ADK: variants seen among roughly 807,000 people sequenced by gnomAD.
The protein encoded by ADK is adenosine kinase.
ADK carries 24 observed loss-of-function variants against 44.7 expected under a neutral mutation model. That is an observed-to-expected ratio of 0.54 (90% confidence interval 0.39 to 0.76). The LOEUF (loss-of-function observed/expected upper bound fraction) is 0.76. Among genes scored for constraint, ADK ranks in the 30% least tolerant of loss-of-function variants. The pLI, the probability that ADK is intolerant of heterozygous loss-of-function variation, is 0.00. For missense variants in ADK, 321 were observed against 425.1 expected (o/e 0.76, Z 2.15); for synonymous variants, 128 against 142.6 (o/e 0.90, Z 0.73).
intron 9 of ADK, among the ~76,000 whole-genome samples, chr10:74,652,490 G>T (rs1276488683): frequency 6.6e-6 from 1 of 151,934 alleles, no homozygotes; most frequent in Non-Finnish European, 1.5e-5. Flanking sequence ...GCCAGGTGTG[G>T]TGGCTCATAC....
At chr10:74,414,110 G>C (rs1213199818) in intron 6 of ADK, among the ~76,000 whole-genome samples, 1 of 152,072 alleles carries the variant, frequency 6.6e-6, no homozygotes, top group Non-Finnish European at 1.5e-5. Context: ...TTGAAATATT[G>C]AAAGAATTAC....
chr10:74,594,972 TC>T (rs1216507637), intron 8 of ADK, among the ~76,000 whole-genome samples: 3 of 152,088 alleles, frequency 2.0e-5, no homozygotes, highest in African/African-American at 4.8e-5. Flanking sequence ...CATCAGGAGT[TC>T]GAGACCAGCC....
intron 3 of ADK, among the ~76,000 whole-genome samples, chr10:74,302,117 T>TG (rs1840071172): frequency 4.7e-5 from 2 of 42,740 alleles, no homozygotes; most frequent in East Asian, 1.1e-3. Flanking sequence ...TTGTTTTTTT[T>TG]TTTTTTTTTT....
chr10:74,376,139 C>CTAAAGCAAT (rs1265423025), intron 4 of ADK, among the ~76,000 whole-genome samples: 1 of 151,868 alleles, frequency 6.6e-6, no homozygotes, highest in Non-Finnish European at 1.5e-5. Context: ...CAAATTGTTT[C>CTAAAGCAAT]TAAAGCAATT....
chr10:74,447,495 G>A (rs1195853239), intron 6 of ADK, among the ~76,000 whole-genome samples: 2 of 152,160 alleles, frequency 1.3e-5, no homozygotes, highest in Non-Finnish European at 2.9e-5. Context: ...GGAGGGCAGA[G>A]AGCTCCTCCT....
intron 7 of ADK, among the ~76,000 whole-genome samples, chr10:74,572,031 T>G (rs1048819940): frequency 5.9e-4 from 90 of 152,324 alleles, no homozygotes; most frequent in African/African-American, 2.1e-3. Context: ...TATGTGTGAA[T>G]TTGATCCTGT....
intron 6 of ADK, among the ~76,000 whole-genome samples, chr10:74,481,570 T>A (rs1167363847): frequency 6.6e-6 from 1 of 152,204 alleles, no homozygotes; most frequent in African/African-American, 2.4e-5. Context: ...CTCTATACTT[T>A]AGTGTCTCTG....
chr10:74,476,385 G>C (rs910819816), intron 6 of ADK, among the ~76,000 whole-genome samples: 1 of 151,858 alleles, frequency 6.6e-6, no homozygotes, highest in Admixed American at 6.6e-5. Context: ...CCAGCTACTC[G>C]GGAGGCTGAG....
intron 4 of ADK, among the ~76,000 whole-genome samples, chr10:74,337,333 C>T (rs1841441879): frequency 6.6e-6 from 1 of 152,138 alleles, no homozygotes; most frequent in South Asian, 2.1e-4. Flanking sequence ...AGTATATTTC[C>T]TGTTACTGGT....
intron 6 of ADK, among the ~76,000 whole-genome samples, chr10:74,463,279 T>G (rs969844672): frequency 1.8e-4 from 28 of 152,230 alleles, no homozygotes; most frequent in African/African-American, 6.5e-4. Flanking sequence ...TCTGTTATTA[T>G]TACAGTATAA....
At chr10:74,331,312 C>T (rs906496657) in intron 4 of ADK, among the ~76,000 whole-genome samples, 3 of 151,384 alleles carry the variant, frequency 2.0e-5, no homozygotes, top group South Asian at 2.1e-4. Flanking sequence ...CTCACAAACA[C>T]GATATTCTTA....
chr10:74,613,039 T>C (rs991933249), intron 9 of ADK, among the ~76,000 whole-genome samples: 1 of 152,086 alleles, frequency 6.6e-6, no homozygotes, highest in African/African-American at 2.4e-5. Context: ...ACCCTAGTAG[T>C]ATAGTTTGAA....
At chr10:74,508,224 A>T (rs1314155820) in intron 6 of ADK, 1 of 152,158 alleles carries the variant, frequency 6.6e-6, no homozygotes, top group Admixed American at 6.5e-5. Flanking sequence ...TAAATCAAGG[A>T]GAGAAAGGAG....
intron 10 of ADK, among the ~76,000 whole-genome samples, chr10:74,683,015 G>C (rs1855667778): frequency 6.6e-6 from 1 of 152,134 alleles, no homozygotes; most frequent in South Asian, 2.1e-4. Flanking sequence ...GTTGTTATTT[G>C]AGTTCATGAC....
At chr10:74,544,349 T>G (rs1020910737) in intron 7 of ADK, among the ~76,000 whole-genome samples, 11 of 152,316 alleles carry the variant, frequency 7.2e-5, no homozygotes, top group Middle Eastern at 3.4e-3. Context: ...ACAAAGGCAC[T>G]TTTAACAATC....
At chr10:74,554,910 C>T (rs183701094) in intron 7 of ADK, among the ~76,000 whole-genome samples, 91 of 152,184 alleles carry the variant, frequency 6.0e-4, no homozygotes, top group Admixed American at 1.4e-3. Context: ...TATAACCATA[C>T]TGTAATAGTC....
intron 10 of ADK, among the ~76,000 whole-genome samples, chr10:74,689,962 T>G (rs1855929239): frequency 6.6e-6 from 1 of 152,228 alleles, no homozygotes; most frequent in African/African-American, 2.4e-5. Context: ...CCAGGGCTTC[T>G]GATTTAGTAG....
intron 7 of ADK, among the ~76,000 whole-genome samples, chr10:74,530,108 AG>A (rs1849222299): frequency 6.6e-6 from 1 of 152,184 alleles, no homozygotes; most frequent in Non-Finnish European, 1.5e-5. Flanking sequence ...GAAATTTAAT[AG>A]GGATAATAAA....
chr10:74,441,000 A>T (rs1395093046), intron 6 of ADK, among the ~76,000 whole-genome samples: 1 of 152,204 alleles, frequency 6.6e-6, no homozygotes, highest in Non-Finnish European at 1.5e-5. Flanking sequence ...AACAAGAGTG[A>T]TGAGTCCTTA....
Sources: gnomAD v4.1 joint callset for allele counts (sites outside exome capture counted in the v4.1 genomes callset) on GRCh38, gnomAD v4.1.1 for gene constraint, MANE v1.5 for transcripts, NCBI Gene and HGNC (gene_info 2026-07-23, HGNC 2026-07-21) for gene names.